Variants in LAMB1 observed in about 807,000 individuals in gnomAD.
The protein encoded by LAMB1 is laminin subunit beta-1.
Under a neutral mutation model 222.3 loss-of-function variants are expected in LAMB1, and 121 were observed. The ratio of observed to expected loss-of-function variants is 0.54; its 90% confidence interval spans 0.47 to 0.63. The LOEUF (loss-of-function observed/expected upper bound fraction) is 0.63. Among genes scored for constraint, LAMB1 ranks in the 30% least tolerant of loss-of-function variants. The probability of loss-of-function intolerance (pLI) is 0.00; values close to 1 mark genes in which losing one functional copy is unlikely to be tolerated. For missense variants in LAMB1, 2,172 were observed against 2,240.8 expected, an observed-to-expected ratio of 0.97 and a Z score of 0.62; for synonymous variants, 794 against 807.2, an observed-to-expected ratio of 0.98 and a Z score of 0.28.
intron 3 of LAMB1, 87 bp from the exon 4 acceptor site, chr7:107,998,579 C>T: frequency 8.7e-7 from 1 of 1,143,502 alleles, no homozygotes; most frequent in East Asian, 2.4e-5. Context: ...GCTCCTAATA[C>T]AAAAATCAAC....
At chr7:107,957,298 G>A (rs2033397893) in intron 20 of LAMB1, among the ~76,000 whole-genome samples, 1 of 152,184 alleles carries the variant, frequency 6.6e-6, no homozygotes, top group African/African-American at 2.4e-5. Flanking sequence ...GGCTGAGACA[G>A]GAGAATCACC....
intron 22 of LAMB1, 50 bp from the exon 23 acceptor site, chr7:107,952,273 G>A: frequency 1.5e-6 from 2 of 1,373,614 alleles, no homozygotes; most frequent in Non-Finnish European, 2.0e-6. Flanking sequence ...AAATACACAG[G>A]CATGCGGATG....
chr7:107,953,624 C>T lies in LAMB1; in HGVS notation c.2985G>A (p.Gly995=). Residue 995 remains glycine, a synonymous_variant, in exon 22 of 34, where the codon GGG becomes GGA. Coordinates refer to ENST00000222399, the MANE Select transcript of LAMB1 (RefSeq NM_002291.3). The part of the protein sequence containing the change: ...TDPEACDKET[G]RCLKCLYHTE... The stretch of plus-strand genomic sequence containing the variant: ...TGTGGTACAGGCACTTGAGACACCT[C>T]CCAGTCTCCTTGTCACAGGCTTCTG... 6.2e-7 allele frequency: 1 copy of T among 1,614,176 alleles called. No homozygotes were observed.
intron 13 of LAMB1, among the ~76,000 whole-genome samples, chr7:107,971,876 G>C (rs528260097): frequency 2.6e-5 from 4 of 152,146 alleles, no homozygotes; most frequent in Non-Finnish European, 2.9e-5. Context: ...ACATAATTTG[G>C]GGAATTGCAT....
intron 9 of LAMB1, among the ~76,000 whole-genome samples, chr7:107,977,570 T>G (rs992909551): frequency 6.6e-6 from 1 of 152,060 alleles, no homozygotes; most frequent in African/African-American, 2.4e-5. Flanking sequence ...GGTAGATCAC[T>G]TGAGGTCAGG....
intron 9 of LAMB1, 70 bp from the exon 10 acceptor site, chr7:107,975,947 G>A: frequency 1.4e-6 from 2 of 1,381,714 alleles, no homozygotes; most frequent in East Asian, 2.4e-5. Context: ...GGGGTGGCAG[G>A]AAGATCCTTT....
At chr7:107,938,522 A>G (rs2032903620) in intron 25 of LAMB1, among the ~76,000 whole-genome samples, 1 of 152,158 alleles carries the variant, frequency 6.6e-6, no homozygotes. Flanking sequence ...GAGTAATGGA[A>G]CTAGTTTTCC....
At chr7:107,927,178 GT>G (rs2032586049) in intron 31 of LAMB1, among the ~76,000 whole-genome samples, 1 of 152,120 alleles carries the variant, frequency 6.6e-6, no homozygotes, top group Non-Finnish European at 1.5e-5. Context: ...GCTAAAATTT[GT>G]AAATATTTCA....
chr7:107,957,529 C>T (rs963029448), intron 20 of LAMB1, among the ~76,000 whole-genome samples: 6 of 152,304 alleles, frequency 3.9e-5, no homozygotes, highest in African/African-American at 1.4e-4. Context: ...GCCTGGGCAA[C>T]AAGAGCAAAA....
At chr7:107,961,075 C>T in intron 17 of LAMB1, 131 bp downstream of exon 17, 1 of 981,302 alleles carries the variant, frequency 1.0e-6, no homozygotes, top group Non-Finnish European at 1.5e-6. Context: ...AGCAAAGTAA[C>T]CGTGGAGGCA....
Position 107,924,409 on chromosome 7 carries a change from CAGAA to C in LAMB1, c.5065-24_5065-21del, listed in dbSNP as rs745673829. On this transcript the variant is annotated intron_variant, in intron 32 of 33. Coordinates refer to ENST00000222399, the MANE Select transcript of LAMB1 (RefSeq NM_002291.3). ...TAAAGTCTATAGTTCCACATTTAGA[CAGAA>C]AGAAGTGGTAATGTTAGTGTCAGTA... is the stretch of plus-strand genomic sequence containing the variant. 21 of 1,573,092 alleles carry C rather than the reference CAGAA, an allele frequency of 1.3e-5. No homozygotes were observed. The highest frequency in any genetic ancestry group is 1.7e-4 in the Middle Eastern group (1 of 5,908).
intron 13 of LAMB1, among the ~76,000 whole-genome samples, chr7:107,965,784 C>T (rs551881923): frequency 6.6e-6 from 1 of 152,096 alleles, no homozygotes; most frequent in South Asian, 2.1e-4. Context: ...CACAGGAACA[C>T]TTTGCACTCA....
At chr7:107,952,538 T>TA (rs1454471910) in intron 22 of LAMB1, among the ~76,000 whole-genome samples, 2 of 152,194 alleles carry the variant, frequency 1.3e-5, no homozygotes, top group East Asian at 3.8e-4. Context: ...GAAATAATTT[T>TA]AAAAAATGCC....
chr7:107,996,422 C>A (rs186002671), intron 4 of LAMB1, among the ~76,000 whole-genome samples: 1 of 152,166 alleles, frequency 6.6e-6, no homozygotes, highest in East Asian at 1.9e-4. Flanking sequence ...ACATTCCAAG[C>A]TCGTTTCTGT....
intron 5 of LAMB1, among the ~76,000 whole-genome samples, chr7:107,986,819 G>C (rs545134997): frequency 1.3e-5 from 2 of 152,276 alleles, no homozygotes; most frequent in Non-Finnish European, 2.9e-5. Flanking sequence ...TGCAGATATG[G>C]GTGTCAATAA....
intron 13 of LAMB1, among the ~76,000 whole-genome samples, chr7:107,970,005 G>T (rs538732735): frequency 9.2e-5 from 14 of 152,298 alleles, no homozygotes; most frequent in African/African-American, 3.4e-4. Flanking sequence ...ATAAATTTTA[G>T]TCCCTCATTT....
intron 24 of LAMB1, among the ~76,000 whole-genome samples, chr7:107,950,014 G>A (rs1230122769): frequency 6.6e-6 from 1 of 152,176 alleles, no homozygotes; most frequent in African/African-American, 2.4e-5. Context: ...GGTGAATCAT[G>A]AGGTCAGGAG....
chr7:107,953,127 C>T (rs760640547), intron 22 of LAMB1, among the ~76,000 whole-genome samples: 2 of 152,084 alleles, frequency 1.3e-5, no homozygotes, highest in African/African-American at 4.8e-5. Flanking sequence ...AAGGCCGAGG[C>T]GGGTGGATCA....
intron 23 of LAMB1, 58 bp from the exon 24 acceptor site, chr7:107,951,380 TC>T: frequency 1.3e-6 from 2 of 1,489,472 alleles, no homozygotes; most frequent in Non-Finnish European, 1.9e-6. Flanking sequence ...CCAGTTGTCA[TC>T]TTTTTTTTCT....
Sources: gnomAD v4.1 joint callset for allele counts (sites outside exome capture counted in the v4.1 genomes callset) on GRCh38, gnomAD v4.1.1 for gene constraint, MANE v1.5 for transcripts, NCBI Gene and HGNC (gene_info 2026-07-23, HGNC 2026-07-21) for gene names.